The following COX10 variants were observed in gnomAD, a reference collection of about 807,000 sequenced individuals.
COX10 encodes cytochrome c oxidase assembly factor heme A:farnesyltransferase COX10, also known as protoheme IX farnesyltransferase, mitochondrial.
Under a neutral mutation model 37.3 loss-of-function variants are expected in COX10, and 27 were observed. The observed-to-expected ratio is 0.72, with a 90% confidence interval of 0.53 to 1.00. The LOEUF (loss-of-function observed/expected upper bound fraction) is 1.00, where lower values mean the gene tolerates loss of function less well. Ranked by LOEUF, COX10 falls within the 50% of genes least tolerant of loss-of-function variation. The pLI is 0.00. For missense variants in COX10, 475 were observed against 563.2 expected, an observed-to-expected ratio of 0.84 and a Z score of 1.59; for synonymous variants, 222 against 229.1, an observed-to-expected ratio of 0.97 and a Z score of 0.28.
chr17:14,151,091 G>T (rs993794514), intron 4 of COX10, among the ~76,000 whole-genome samples: 1 of 152,064 alleles, frequency 6.6e-6, no homozygotes, highest in African/African-American at 2.4e-5. Context: ...GTAGGCTAAA[G>T]CCAGCTGTAT....
chr17:14,120,236 G>A (rs916664242), intron 4 of COX10, among the ~76,000 whole-genome samples: 1 of 152,136 alleles, frequency 6.6e-6, no homozygotes, highest in South Asian at 2.1e-4. Context: ...TAGCCAAGAG[G>A]AGACATCAAG....
chr17:14,131,959 A>T (rs1040625817), intron 4 of COX10, among the ~76,000 whole-genome samples: 1 of 152,038 alleles, frequency 6.6e-6, no homozygotes, highest in African/African-American at 2.4e-5. Flanking sequence ...TGTTTATGGG[A>T]TGATTTCCTA....
At chr17:14,161,854 G>A (rs543506188) in intron 5 of COX10, among the ~76,000 whole-genome samples, 28 of 152,218 alleles carry the variant, frequency 1.8e-4, no homozygotes, top group African/African-American at 6.7e-4. Context: ...ATGGCCTGTC[G>A]TGGGACTTCT....
chr17:14,183,448 A>T (rs1032540097), intron 5 of COX10, among the ~76,000 whole-genome samples: 23 of 152,174 alleles, frequency 1.5e-4, no homozygotes, highest in Admixed American at 1.0e-3. Flanking sequence ...GATTGTTCTT[A>T]TAAAAATTCA....
chr17:14,098,463 A>C (rs1000537781), intron 3 of COX10, among the ~76,000 whole-genome samples: 4 of 152,074 alleles, frequency 2.6e-5, no homozygotes, highest in African/African-American at 7.2e-5. Flanking sequence ...GAGTCTTGCA[A>C]AAAAAATGGC....
chr17:14,169,306 T>G (rs1488276021), intron 5 of COX10, among the ~76,000 whole-genome samples: 2 of 152,354 alleles, frequency 1.3e-5, no homozygotes, highest in East Asian at 3.9e-4. Context: ...GACTTCATTG[T>G]CTGTATCACT....
At chr17:14,148,220 C>T (rs956549284) in intron 4 of COX10, among the ~76,000 whole-genome samples, 1 of 152,144 alleles carries the variant, frequency 6.6e-6, no homozygotes, top group African/African-American at 2.4e-5. Context: ...TGATGAATGC[C>T]AGAGCACACA....
chr17:14,153,280 C>T (rs1904955156), intron 4 of COX10, among the ~76,000 whole-genome samples: 1 of 152,140 alleles, frequency 6.6e-6, no homozygotes, highest in Non-Finnish European at 1.5e-5. Context: ...ATTTACTCCC[C>T]AAAAGAGAAG....
At chr17:14,104,339 A>G (rs1201861716) in intron 4 of COX10, among the ~76,000 whole-genome samples, 1 of 152,160 alleles carries the variant, frequency 6.6e-6, no homozygotes, top group African/African-American at 2.4e-5. Context: ...GTGTTAGGCA[A>G]TCTTATACAT....
intron 4 of COX10, among the ~76,000 whole-genome samples, chr17:14,103,996 G>A (rs915186926): frequency 5.9e-5 from 9 of 152,140 alleles, no homozygotes; most frequent in South Asian, 2.1e-4. Context: ...GCCCTGCTCC[G>A]CATCCCACTT....
intron 4 of COX10, among the ~76,000 whole-genome samples, chr17:14,125,527 G>T (rs1159546928): frequency 6.6e-6 from 1 of 152,064 alleles, no homozygotes; most frequent in East Asian, 1.9e-4. Context: ...AGCTCTTTTG[G>T]GAGGCAAATA....
At chr17:14,076,610 A>T in intron 2 of COX10, 125 bp from the exon 3 acceptor site, 1 of 859,084 alleles carries the variant, frequency 1.2e-6, no homozygotes. Flanking sequence ...GAATTAACAG[A>T]TATTAAAGCT....
At chr17:14,137,355 A>G (rs1904406116) in intron 4 of COX10, among the ~76,000 whole-genome samples, 2 of 151,630 alleles carry the variant, frequency 1.3e-5, no homozygotes. Flanking sequence ...AATATCATAG[A>G]AATTGCATTT....
chr17:14,083,150 A>G (rs977887206), intron 3 of COX10, among the ~76,000 whole-genome samples: 3 of 152,232 alleles, frequency 2.0e-5, no homozygotes, highest in African/African-American at 7.2e-5. Flanking sequence ...GAAAGGTCCC[A>G]GGGCAGTAAA....
intron 4 of COX10, among the ~76,000 whole-genome samples, chr17:14,157,181 T>G (rs1597526596): frequency 6.6e-6 from 1 of 152,304 alleles, no homozygotes; most frequent in African/African-American, 2.4e-5. Context: ...TAAAAACAGG[T>G]ACAGGCTGGA....
At chr17:14,190,131 G>T (rs1906155540) in intron 5 of COX10, among the ~76,000 whole-genome samples, 1 of 152,224 alleles carries the variant, frequency 6.6e-6, no homozygotes, top group Non-Finnish European at 1.5e-5. Flanking sequence ...TTGGGAGCTA[G>T]AGTGAACCTA....
intron 3 of COX10, among the ~76,000 whole-genome samples, chr17:14,082,105 T>C (rs995759581): frequency 1.3e-5 from 2 of 152,184 alleles, no homozygotes; most frequent in African/African-American, 4.8e-5. Context: ...GTAAATGATG[T>C]TACCAAGGAT....
Position 14,207,268 on chromosome 17 carries a change from G to C in COX10, c.*55G>C, listed in dbSNP as rs565856283. 20 of 1,484,294 alleles carry C rather than the reference G, an allele frequency of 1.3e-5. No homozygotes were observed. The East Asian group carries it at 4.9e-4, about 36-fold the overall frequency. 91.9% of individuals were successfully genotyped at this position (1,484,294 alleles called of 1,614,324 possible). A position where few individuals can be genotyped will look rare whatever the true frequency, so the allele number is the denominator to read the frequency against. On this transcript the variant is annotated 3_prime_UTR_variant, in exon 7 of 7. Coordinates refer to ENST00000261643, the MANE Select transcript of COX10 (RefSeq NM_001303.4). ...CTCCGCTGCCAGGCGAGCATGTTGT[G>C]GTAATTCTGGAACACAAGAAGAGAA...
At chr17:14,120,783 T>TTTTACACAAAAAAAAAAAA (rs1916212770) in intron 4 of COX10, among the ~76,000 whole-genome samples, 1 of 152,146 alleles carries the variant, frequency 6.6e-6, no homozygotes, top group East Asian at 1.9e-4. Flanking sequence ...TACACAAAAA[T>TTTTACACAAAAAAAAAAAA]GAGTGAAAAC....
Sources: allele counts gnomAD v4.1 joint callset (sites outside exome capture counted in the v4.1 genomes callset), GRCh38; gene constraint gnomAD v4.1.1; transcripts MANE v1.5; gene names NCBI Gene and HGNC (gene_info 2026-07-23, HGNC 2026-07-21).